The following ACAN variants were observed in gnomAD, a reference collection of about 807,000 sequenced individuals.
ACAN encodes aggrecan.
Under a neutral mutation model 169.1 loss-of-function variants are expected in ACAN, and 47 were observed. The ratio of observed to expected loss-of-function variants is 0.28; its 90% CI spans 0.22 to 0.35. The LOEUF (loss-of-function observed/expected upper bound fraction) is 0.35. Among genes scored for constraint, ACAN ranks in the 10% least tolerant of loss-of-function variants. The probability of loss-of-function intolerance (pLI) is 1.00; values close to 1 mark genes in which losing one functional copy is unlikely to be tolerated. For missense variants in ACAN, 2,716 were observed against 2,759.9 expected (o/e 0.98, Z 0.36); for synonymous variants, 1,115 against 1,112.2 (o/e 1.00, Z -0.05).
At chr15:88,809,677 G>A (rs543574233) in intron 1 of ACAN, among the ~76,000 whole-genome samples, 55 of 152,290 alleles carry the variant, frequency 3.6e-4, no homozygotes, top group African/African-American at 1.2e-3. Flanking sequence ...TTCCCAGAAC[G>A]TGCTGCATCA....
In ACAN at chr15:88,873,839, C is replaced by T. The variant is rs769937100; in HGVS notation, c.7448-3C>T. 2 of 1,613,622 alleles carry T rather than the reference C, an allele frequency of 1.2e-6. No homozygotes were observed. The highest frequency in any genetic ancestry group is 3.3e-5 in the Admixed American group (2 of 60,010). On this transcript the variant is annotated splice_region_variant and splice_polypyrimidine_tract_variant and intron_variant, in intron 17 of 18. Transcript: ENST00000560601. This position sits in a 1 kb window ranked among gnomAD's most constrained non-coding sequence, Gnocchi z 7.5. ...CCCTTTATAAAGGGTGTTTGCCCCT[C>T]AGTGGCCTGCGGAGAGCCCCCTGTG...
chr15:88,859,217 T>C lies in ACAN; in HGVS notation c.6632T>C (p.Val2211Ala). ...DLSGHTSQLG[V>A]VISTSIPESE... ...TCTGGTCACACCTCGCAGCTGGGCG[T>C]TGTCATCAGCACCAGCATCCCAGAG... Residue 2211 changes from valine to alanine, a missense_variant, in exon 12 of 19, where the codon GTT becomes GCT. Physicochemically the swap from Val to Ala is moderately conservative, Grantham distance 64. Coordinates refer to ENST00000560601, the MANE Select transcript of ACAN (RefSeq NM_001369268.1). 1 of 1,613,786 alleles carries C rather than the reference T, an allele frequency of 6.2e-7. No individual in the cohort carries two copies. Among genetic ancestry groups the C allele is most frequent in the Non-Finnish European group, 8.5e-7 (1 of 1,179,856 alleles).
chr15:88,863,644 T>C (rs1044882327), intron 13 of ACAN, among the ~76,000 whole-genome samples: 5 of 152,238 alleles, frequency 3.3e-5, no homozygotes, highest in Non-Finnish European at 7.3e-5. Context: ...ATCAGTTTCC[T>C]TCCTATCTTA....
At chr15:88,820,841 G>A (rs554293146) in intron 1 of ACAN, among the ~76,000 whole-genome samples, 3 of 152,182 alleles carry the variant, frequency 2.0e-5, no homozygotes, top group Admixed American at 6.5e-5. Context: ...CCATTCTCAC[G>A]CTGCTAATAA....
chr15:88,815,156 T>C (rs1895907854), intron 1 of ACAN, among the ~76,000 whole-genome samples: 1 of 151,994 alleles, frequency 6.6e-6, no homozygotes, highest in Non-Finnish European at 1.5e-5. Context: ...TTGGTTCCAC[T>C]AGAAATAGAG....
chr15:88,843,082 A>G lies in ACAN; in HGVS notation c.758-273A>G, dbSNP rs972257882. On this transcript the variant is annotated intron_variant, in intron 5 of 18. Transcript: ENST00000560601. The surrounding 1 kb of genome is among the most constrained non-coding windows in gnomAD (Gnocchi z 4.0). ...GGCTTTTGAGCAGAATTTTCCTCCC[A>G]GATTTCAAGTTTGCTCCACCCTTTG... Among the ~76,000 whole-genome samples, 1 of 152,224 alleles carries G rather than the reference A, an allele frequency of 6.6e-6. No homozygotes were observed. The highest frequency in any genetic ancestry group is 2.4e-5 in the African/African-American group (1 of 41,460).
At position 88,849,420 on chromosome 15, in the gene ACAN, C is replaced by T; in HGVS notation, c.1733-18C>T. On this transcript the variant is annotated intron_variant, in intron 9 of 18. Transcript: ENST00000560601. The surrounding 1 kb of genome is among the most constrained non-coding windows in gnomAD (Gnocchi z 5.1). Reference sequence around the variant, plus strand: ...GAGTGTGGGGGGGTCATATTCTACCCCTTGCCTCTGCCCCCAGGGGAGGTG... The same window carrying T: ...GAGTGTGGGGGGGTCATATTCTACCTCTTGCCTCTGCCCCCAGGGGAGGTG... 6.4e-7 allele frequency: 1 copy of T among 1,559,676 alleles called. No individual in the cohort carries two copies. The highest frequency in any genetic ancestry group is 1.3e-5 in the African/African-American group (1 of 74,140).
At position 88,874,279 on chromosome 15, in the gene ACAN, C is replaced by G. The variant is rs898514292; in HGVS notation, c.7631-126C>G. The G allele has an allele frequency of 2.5e-5, 27 of 1,098,662 alleles. 1 individual carries two copies. In the South Asian group the frequency reaches 3.4e-4, roughly 14 times the overall value. The allele number at this position is 1,098,662 out of a possible 1,614,324, so 68.1% of individuals were successfully genotyped here. On this transcript the variant is annotated intron_variant, in intron 18 of 18. Coordinates refer to ENST00000560601, the MANE Select transcript of ACAN (RefSeq NM_001369268.1). This position sits in a 1 kb window ranked among gnomAD's most constrained non-coding sequence, Gnocchi z 7.3. ...CAAGAAAAATCCAAATCAGGAAAGC[C>G]GATAAAGCCTCAGGCGCCTGAGTCC...
chr15:88,814,916 A>G lies in ACAN; in HGVS notation c.-8+11107A>G, dbSNP rs909766867. On this transcript the variant is annotated intron_variant, in intron 1 of 18. Coordinates refer to ENST00000560601, the MANE Select transcript of ACAN (RefSeq NM_001369268.1). This position sits in a 1 kb window ranked among gnomAD's most constrained non-coding sequence, Gnocchi z 4.0. ...CTCTCCTGGGACTAGGGAGTGGGGA[A>G]TCCTAAATGTACCAGAAGAACCTTT... Among the ~76,000 whole-genome samples, 1 of 152,028 alleles carries G rather than the reference A, an allele frequency of 6.6e-6. No homozygotes were observed. Among genetic ancestry groups the G allele is most frequent in the Non-Finnish European group, 1.5e-5 (1 of 68,026 alleles).
At chr15:88,832,956 A>G (rs553323234) in intron 1 of ACAN, among the ~76,000 whole-genome samples, 4 of 152,192 alleles carry the variant, frequency 2.6e-5, no homozygotes, top group Non-Finnish European at 4.4e-5. Flanking sequence ...CAGTCACATT[A>G]TCTCACTCAG....
intron 1 of ACAN, among the ~76,000 whole-genome samples, chr15:88,826,763 G>A (rs937349786): frequency 1.1e-4 from 16 of 152,266 alleles, no homozygotes; most frequent in African/African-American, 3.1e-4. Context: ...AATTCCATGA[G>A]AACATTCCCC....
At position 88,861,196 on chromosome 15, in the gene ACAN, T is replaced by C. The variant is rs1897187150; in HGVS notation, c.6946+757T>C. ...AACATCACCACCTTGAGGAAAGAAA[T>C]GCCCAGTTACCACCAAGCTCATGTT... On this transcript the variant is annotated intron_variant, in intron 13 of 18. Coordinates refer to ENST00000560601, the MANE Select transcript of ACAN (RefSeq NM_001369268.1). The surrounding 1 kb of genome is among the most constrained non-coding windows in gnomAD (Gnocchi z 6.3). 6.6e-6 allele frequency among the ~76,000 whole-genome samples: 1 copy of C among 152,120 alleles called. No individual in the cohort carries two copies. The highest frequency in any genetic ancestry group is 2.4e-5 in the African/African-American group (1 of 41,418).
rs925422916 is a variant in ACAN, at chr15:88,849,223, C to G, written c.1733-215C>G. On this transcript the variant is annotated intron_variant, in intron 9 of 18. Coordinates refer to ENST00000560601, the MANE Select transcript of ACAN (RefSeq NM_001369268.1). This position sits in a 1 kb window ranked among gnomAD's most constrained non-coding sequence, Gnocchi z 5.1. ...TTTTGGCACCGAAAGTCCTATGTACCGGGAAACCCCAGTCCAGTACAAACC... is the reference window on the plus strand; with the variant it reads ...TTTTGGCACCGAAAGTCCTATGTACGGGGAAACCCCAGTCCAGTACAAACC... Among the ~76,000 whole-genome samples, 27 of 152,194 alleles carry G rather than the reference C, an allele frequency of 1.8e-4. No homozygotes were observed. The highest frequency in any genetic ancestry group is 1.8e-3 in the Admixed American group (27 of 15,282).
chr15:88,805,197 G>A (rs1206264715), intron 1 of ACAN, among the ~76,000 whole-genome samples: 1 of 152,128 alleles, frequency 6.6e-6, no homozygotes, highest in Non-Finnish European at 1.5e-5. Context: ...GGTTGCTCAT[G>A]CACCCTGGGC....
At chr15:88,829,825 T>TA (rs1896315683) in intron 1 of ACAN, among the ~76,000 whole-genome samples, 1 of 152,260 alleles carries the variant, frequency 6.6e-6, no homozygotes, top group Admixed American at 6.5e-5. Context: ...CATTTTGTGT[T>TA]ATTCCTGGTA....
In ACAN at chr15:88,866,999, C is replaced by A. The variant is rs1480009315; in HGVS notation, c.6947-1217C>A. 1.3e-5 allele frequency among the ~76,000 whole-genome samples: 2 copies of A among 152,182 alleles called. No homozygotes were observed. Among genetic ancestry groups the A allele is most frequent in the Admixed American group, 1.3e-4 (2 of 15,280 alleles). ...ATGGTGCCCCATAGCCAGTGGAACC[C>A]ACTCACTGCAGAATTTTACTGATCT... On this transcript the variant is annotated intron_variant, in intron 13 of 18. Transcript: ENST00000560601. The surrounding 1 kb of genome is among the most constrained non-coding windows in gnomAD (Gnocchi z 5.6).
chr15:88,811,114 C>G (rs1895810076), intron 1 of ACAN, among the ~76,000 whole-genome samples: 2 of 152,192 alleles, frequency 1.3e-5, no homozygotes, highest in Non-Finnish European at 2.9e-5. Context: ...ACACGCCTTC[C>G]AAGGCCAGCA....
chr15:88,817,020 C>T (rs533206007), intron 1 of ACAN, among the ~76,000 whole-genome samples: 6 of 152,234 alleles, frequency 3.9e-5, no homozygotes, highest in South Asian at 2.1e-4. Context: ...TATCCCCAGT[C>T]GGCTGCCACC....
At chr15:88,835,877 G>A (rs1567173455) in intron 1 of ACAN, among the ~76,000 whole-genome samples, 1 of 152,250 alleles carries the variant, frequency 6.6e-6, no homozygotes, top group Admixed American at 6.5e-5. Context: ...TTGGCCAAAT[G>A]TCTGGTTGCC....
Sources: allele counts gnomAD v4.1 joint callset (sites outside exome capture counted in the v4.1 genomes callset), GRCh38; gene constraint gnomAD v4.1.1; non-coding constraint Gnocchi (gnomAD v3.1); transcripts MANE v1.5; gene names NCBI Gene and HGNC (gene_info 2026-07-23, HGNC 2026-07-21).